The following NDST4 variants were observed in gnomAD, a reference collection of about 807,000 sequenced individuals.
NDST4 encodes N-deacetylase and N-sulfotransferase 4, also known as N-heparan sulfate sulfotransferase 4.
Under a neutral mutation model 100.8 loss-of-function variants are expected in NDST4, and 63 were observed. That is an observed-to-expected ratio of 0.62 (90% CI 0.51 to 0.77). The LOEUF is 0.77. NDST4 is among the 30% of genes least tolerant of loss of function. NDST4 has a pLI of 0.00. For synonymous variants in NDST4, 377 were observed against 361.8 expected, an observed-to-expected ratio of 1.04 and a Z score of -0.48; for missense variants, 943 against 1,018.4, an observed-to-expected ratio of 0.93 and a Z score of 1.01.
In NDST4 at chr4:114,937,401, C is replaced by T. The variant is rs866823299; in HGVS notation, c.1324G>A (p.Gly442Ser). Reference sequence around the variant, plus strand: ...TCTTCAGTGCTGGTGACTTGAATACCCCAGACCTTCTTCCAAGCTGCATAC... The same window carrying T: ...TCTTCAGTGCTGGTGACTTGAATACTCCAGACCTTCTTCCAAGCTGCATAC... ...QLYAAWKKVW[G>S]IQVTSTEEYP... The change falls in exon 5 of 14, where the codon GGT (glycine) becomes AGT (serine). Residue 442 changes from glycine (G) to serine (S), a missense_variant. Physicochemically the swap from Gly to Ser is moderately conservative, Grantham distance 56 (BLOSUM62 0). Transcript: ENST00000264363. 2 of 1,613,898 alleles carry T rather than the reference C, an allele frequency of 1.2e-6. No homozygotes were observed. Among genetic ancestry groups the T allele is most frequent in the Non-Finnish European group, 1.7e-6 (2 of 1,179,916 alleles).
intron 6 of NDST4, among the ~76,000 whole-genome samples, chr4:114,909,521 G>A (rs958901908): frequency 2.7e-5 from 4 of 150,720 alleles, no homozygotes; most frequent in Non-Finnish European, 5.9e-5. Flanking sequence ...TTAGCCGGGC[G>A]CGGTGGCGGG....
chr4:115,049,690 T>A (rs1728542847), intron 2 of NDST4, among the ~76,000 whole-genome samples: 1 of 152,128 alleles, frequency 6.6e-6, no homozygotes, highest in African/African-American at 2.4e-5. Context: ...AGAGCAGGGA[T>A]TAAATCTATA....
chr4:115,039,220 G>A (rs1473539612), intron 2 of NDST4, among the ~76,000 whole-genome samples: 1 of 152,142 alleles, frequency 6.6e-6, no homozygotes, highest in Non-Finnish European at 1.5e-5. Flanking sequence ...AAGAAAGAGG[G>A]TGTGTGAAAC....
At chr4:114,973,414 A>G (rs1329671404) in intron 3 of NDST4, among the ~76,000 whole-genome samples, 2 of 151,984 alleles carry the variant, frequency 1.3e-5, no homozygotes, top group Non-Finnish European at 2.9e-5. Flanking sequence ...ATGTGACCAG[A>G]TTAGCATGTT....
At chr4:114,864,150 T>C (rs1240152094) in intron 7 of NDST4, among the ~76,000 whole-genome samples, 3 of 152,210 alleles carry the variant, frequency 2.0e-5, no homozygotes, top group Non-Finnish European at 4.4e-5. Flanking sequence ...GAATTATCAA[T>C]TCAAGATTGA....
rs115666062 is a variant in NDST4, at chr4:115,031,484, C to T, written c.978+44575G>A. On this transcript the variant is annotated intron_variant, in intron 2 of 13. Transcript: ENST00000264363. Reference sequence around the variant, plus strand: ...CACTCTGGTGTAGAGTACTGCCTGACCAACCTCATCCCCTGGGATTATTCC... The same window carrying T: ...CACTCTGGTGTAGAGTACTGCCTGATCAACCTCATCCCCTGGGATTATTCC... Among the ~76,000 whole-genome samples, 538 of 152,172 alleles carry T rather than the reference C, an allele frequency of 3.5e-3. 2 individuals carry two copies. Among genetic ancestry groups the T allele is most frequent in the African/African-American group, 0.013 (525 of 41,556 alleles).
chr4:115,076,093 T>C lies in NDST4; in HGVS notation c.944A>G (p.Lys315Arg). 1 of 1,612,902 alleles carries C rather than the reference T, an allele frequency of 6.2e-7. No homozygotes were observed. The highest frequency in any genetic ancestry group is 8.5e-7 in the Non-Finnish European group (1 of 1,179,454). The change falls in exon 2 of 14, where the codon AAA (lysine) becomes AGA (arginine). Residue 315 changes from lysine (K) to arginine (R), a missense_variant. Physicochemically the swap from Lys to Arg is conservative, Grantham distance 26. Around this residue, in one of 2 missense-constraint regions of NDST4, gnomAD observed 417 missense variants for 384.2 expected, o/e 1.09. Transcript: ENST00000264363. Reference sequence around the variant, plus strand: ...TTTGACATTCATCCTTGTTCCCTCTTTCCCAACAAATATATCATCAATGTC... The same window carrying C: ...TTTGACATTCATCCTTGTTCCCTCTCTCCCAACAAATATATCATCAATGTC... ...LVDIDDIFVG[K>R]EGTRMNVKDV...
intron 7 of NDST4, among the ~76,000 whole-genome samples, chr4:114,856,655 T>C (rs1158577973): frequency 1.3e-5 from 2 of 152,182 alleles, no homozygotes; most frequent in Non-Finnish European, 2.9e-5. Flanking sequence ...TTCCCAGTGT[T>C]ATTATATAGA....
intron 3 of NDST4, among the ~76,000 whole-genome samples, chr4:114,970,922 A>C (rs553848783): frequency 6.6e-6 from 1 of 152,236 alleles, no homozygotes; most frequent in African/African-American, 2.4e-5. Context: ...GTAATTCTCA[A>C]ATAATTGGAC....
intron 2 of NDST4, among the ~76,000 whole-genome samples, chr4:115,052,594 C>G (rs1190136217): frequency 6.6e-6 from 1 of 152,066 alleles, no homozygotes; most frequent in South Asian, 2.1e-4. Context: ...CCTACACAAG[C>G]TCTCTTGCCT....
intron 7 of NDST4, among the ~76,000 whole-genome samples, chr4:114,870,143 G>A (rs927737341): frequency 6.6e-6 from 1 of 152,138 alleles, no homozygotes; most frequent in Non-Finnish European, 1.5e-5. Context: ...GAAGCAGATA[G>A]TTTACATTTG....
chr4:115,071,244 AT>A (rs1729071136), intron 2 of NDST4, among the ~76,000 whole-genome samples: 1 of 151,834 alleles, frequency 6.6e-6, no homozygotes, highest in African/African-American at 2.4e-5. Flanking sequence ...CTACCTCAAA[AT>A]AGAAAATTTG....
At chr4:115,069,323 G>C (rs897794869) in intron 2 of NDST4, among the ~76,000 whole-genome samples, 1 of 152,100 alleles carries the variant, frequency 6.6e-6, no homozygotes, top group African/African-American at 2.4e-5. Flanking sequence ...GGCTCACAAA[G>C]AACATTGAAA....
intron 3 of NDST4, among the ~76,000 whole-genome samples, chr4:114,972,431 G>A (rs1000592318): frequency 6.6e-6 from 1 of 151,950 alleles, no homozygotes; most frequent in Non-Finnish European, 1.5e-5. Context: ...AATTTTGAAA[G>A]TAATAAAGTC....
At position 114,848,228 on chromosome 4, in the gene NDST4, T is replaced by C; in HGVS notation, c.1927A>G (p.Lys643Glu). The C allele has an allele frequency of 6.2e-7, 1 of 1,606,874 alleles. No individual in the cohort carries two copies. Among genetic ancestry groups the C allele is most frequent in the Non-Finnish European group, 8.5e-7 (1 of 1,177,926 alleles). ...VQFFNGNNYHKGIDWYMDFFP... is the reference protein window; with the variant it reads ...VQFFNGNNYHEGIDWYMDFFP... ...TATTTTTCTTACCAGTCTATTCCTTTGTGATAGTTGTTGCCATTAAAGAAC... is the reference window on the plus strand; with the variant it reads ...TATTTTTCTTACCAGTCTATTCCTTCGTGATAGTTGTTGCCATTAAAGAAC... Residue 643 changes from lysine to glutamate, a missense_variant, in exon 9 of 14, where the codon AAA becomes GAA. This residue lies in a region of NDST4 where 526 missense variants were observed against 634.1 expected (regional missense o/e 0.83). Coordinates refer to ENST00000264363, the MANE Select transcript of NDST4 (RefSeq NM_022569.3).
chr4:114,859,200 T>C (rs982655578), intron 7 of NDST4, among the ~76,000 whole-genome samples: 5 of 152,164 alleles, frequency 3.3e-5, no homozygotes, highest in African/African-American at 1.2e-4. Flanking sequence ...GGAGAGTCAG[T>C]GAGACAAACT....
intron 10 of NDST4, among the ~76,000 whole-genome samples, chr4:114,843,769 T>C (rs1578338670): frequency 6.6e-6 from 1 of 152,284 alleles, no homozygotes. Flanking sequence ...TTCTTGTCTT[T>C]CTTGGCGCCT....
chr4:115,046,943 A>T (rs2126276910), intron 2 of NDST4, among the ~76,000 whole-genome samples: 1 of 152,200 alleles, frequency 6.6e-6, no homozygotes, highest in East Asian at 1.9e-4. Context: ...ATAGCCTCAA[A>T]ATTCATCCCA....
chr4:115,024,437 C>T (rs980424990), intron 2 of NDST4, among the ~76,000 whole-genome samples: 1 of 145,364 alleles, frequency 6.9e-6, no homozygotes, highest in East Asian at 1.9e-4. Context: ...AGATTTATAA[C>T]TGATTTTTTT....
Sources: allele counts gnomAD v4.1 joint callset (sites outside exome capture counted in the v4.1 genomes callset), GRCh38; gene constraint gnomAD v4.1.1; regional missense constraint gnomAD v4.1.1; transcripts MANE v1.5; gene names NCBI Gene and HGNC (gene_info 2026-07-23, HGNC 2026-07-21).